IFT80: variants seen among roughly 807,000 people sequenced by gnomAD.
IFT80 encodes the protein intraflagellar transport protein 80 homolog.
IFT80 carries 79 observed loss-of-function variants against 107.9 expected under a neutral mutation model. The observed-to-expected ratio is 0.73, with a 90% CI of 0.61 to 0.88. The LOEUF (loss-of-function observed/expected upper bound fraction) is 0.88, where lower values mean the gene tolerates loss of function less well. Ranked by LOEUF, IFT80 falls within the 40% of genes least tolerant of loss-of-function variation. IFT80 has a pLI of 0.00. For missense variants in IFT80, 797 were observed against 914.2 expected, an observed-to-expected ratio of 0.87 and a Z score of 1.65; for synonymous variants, 299 against 300.9, an observed-to-expected ratio of 0.99 and a Z score of 0.07.
At chr3:160,397,324 T>G (rs1415789838) in intron 1 of IFT80, among the ~76,000 whole-genome samples, 2 of 152,202 alleles carry the variant, frequency 1.3e-5, no homozygotes, top group East Asian at 3.8e-4. Context: ...ATTTACCAAG[T>G]CATTCCTTGG....
intron 7 of IFT80, among the ~76,000 whole-genome samples, chr3:160,356,576 A>T (rs144273700): frequency 6.6e-6 from 1 of 152,334 alleles, no homozygotes; most frequent in Non-Finnish European, 1.5e-5. Context: ...GCTGGAGTAC[A>T]GTAGCATGAT....
chr3:160,360,958 G>T (rs972734864), intron 6 of IFT80, among the ~76,000 whole-genome samples: 3 of 151,650 alleles, frequency 2.0e-5, no homozygotes, highest in Admixed American at 1.3e-4. Context: ...CAACTAATGG[G>T]CAAAATAACC....
intron 19 of IFT80, among the ~76,000 whole-genome samples, chr3:160,260,081 C>A (rs368452495): frequency 2.0e-5 from 3 of 152,070 alleles, no homozygotes; most frequent in African/African-American, 7.2e-5. Flanking sequence ...TTTTTTAATT[C>A]CAATATCCCA....
At chr3:160,351,656 T>C (rs1354549917) in intron 8 of IFT80, among the ~76,000 whole-genome samples, 1 of 146,210 alleles carries the variant, frequency 6.8e-6, no homozygotes, top group Non-Finnish European at 1.5e-5. Context: ...TACATACATA[T>C]GCATACATAC....
At chr3:160,365,883 T>C (rs1389712388) in intron 6 of IFT80, among the ~76,000 whole-genome samples, 160 bp downstream of exon 6, 1 of 152,028 alleles carries the variant, frequency 6.6e-6, no homozygotes, top group Non-Finnish European at 1.5e-5. Flanking sequence ...GTTGGAAATA[T>C]AAAGATATTC....
intron 5 of IFT80, among the ~76,000 whole-genome samples, chr3:160,367,759 G>A (rs563532353): frequency 3.3e-5 from 5 of 152,086 alleles, no homozygotes; most frequent in African/African-American, 1.2e-4. Context: ...TTACATTTAA[G>A]TATAGTATTT....
chr3:160,273,319 A>T (rs926779337), intron 18 of IFT80, among the ~76,000 whole-genome samples: 1 of 152,206 alleles, frequency 6.6e-6, no homozygotes, highest in Non-Finnish European at 1.5e-5. Flanking sequence ...AGAGGTCAAG[A>T]GTGATACGAC....
intron 9 of IFT80, among the ~76,000 whole-genome samples, chr3:160,315,463 G>A (rs1200458517): frequency 6.6e-6 from 1 of 152,142 alleles, no homozygotes; most frequent in Non-Finnish European, 1.5e-5. Context: ...CCTCTGGGGA[G>A]GTATGTGTTC....
intron 8 of IFT80, among the ~76,000 whole-genome samples, chr3:160,331,171 TAAG>T (rs1719062573): frequency 6.6e-6 from 1 of 152,114 alleles, no homozygotes; most frequent in African/African-American, 2.4e-5. Flanking sequence ...GGGCCATTAT[TAAG>T]AAAAAGGGTT....
Position 160,280,716 on chromosome 3 carries a change from A to C in IFT80, c.1615T>G (p.Tyr539Asp), listed in dbSNP as rs1714623468. 1.2e-6 allele frequency: 2 copies of C among 1,612,994 alleles called. No individual in the cohort carries two copies. The highest frequency in any genetic ancestry group is 1.7e-6 in the Non-Finnish European group (2 of 1,179,162). The stretch of plus-strand genomic sequence containing the variant: ...TTAGGCAAAATGTCTCTGTCCACAT[A>C]AACTGTATTGGGGTAATACCACACT... Reference protein sequence around the residue: ...FIVWYYPNTVYVDRDILPKTL... With the variant: ...FIVWYYPNTVDVDRDILPKTL... Residue 539 changes from tyrosine (Y) to aspartate (D), a missense_variant, in exon 15 of 20, where the codon TAT becomes GAT. Physicochemically the swap from Tyr to Asp is radical, Grantham distance 160. Coordinates refer to ENST00000326448, the MANE Select transcript of IFT80 (RefSeq NM_020800.3).
At chr3:160,293,360 G>A (rs540098637) in intron 12 of IFT80, among the ~76,000 whole-genome samples, 25 of 152,264 alleles carry the variant, frequency 1.6e-4, no homozygotes, top group African/African-American at 3.1e-4. Flanking sequence ...CTAGTAATGC[G>A]CTAGTGTCTT....
chr3:160,345,445 G>C (rs1474268597), intron 8 of IFT80, among the ~76,000 whole-genome samples: 3 of 152,094 alleles, frequency 2.0e-5, no homozygotes, highest in Non-Finnish European at 2.9e-5. Flanking sequence ...CCAGCACTTT[G>C]GGAGGCCAAG....
chr3:160,285,667 T>C (rs542589819), intron 13 of IFT80, 137 bp downstream of exon 13: 4 of 646,112 alleles, frequency 6.2e-6, no homozygotes, highest in Non-Finnish European at 1.1e-5. Flanking sequence ...TTAGGCAAAA[T>C]AGTCAATGGA....
chr3:160,293,787 G>A (rs947647284), intron 12 of IFT80, among the ~76,000 whole-genome samples: 1 of 152,128 alleles, frequency 6.6e-6, no homozygotes, highest in Non-Finnish European at 1.5e-5. Flanking sequence ...CACCCCATTA[G>A]CAACCTCTTG....
intron 12 of IFT80, among the ~76,000 whole-genome samples, chr3:160,290,482 T>C (rs1161957602): frequency 6.6e-6 from 1 of 150,416 alleles, no homozygotes; most frequent in Non-Finnish European, 1.5e-5. Context: ...ATTGAGAAGA[T>C]ATAGAAATGC....
At chr3:160,312,721 A>G in intron 9 of IFT80, among the ~76,000 whole-genome samples, 1 of 41,218 alleles carries the variant, frequency 2.4e-5, no homozygotes, top group Admixed American at 4.4e-4. Flanking sequence ...TAATATATAT[A>G]ATAAATATAT....
chr3:160,340,241 G>A (rs1188848151), intron 8 of IFT80, among the ~76,000 whole-genome samples: 1 of 152,116 alleles, frequency 6.6e-6, no homozygotes, highest in East Asian at 1.9e-4. Context: ...TCCTCCCCAA[G>A]TTATCTACCT....
At chr3:160,374,780 A>C (rs890590565) in intron 5 of IFT80, among the ~76,000 whole-genome samples, 3 of 152,264 alleles carry the variant, frequency 2.0e-5, no homozygotes, top group African/African-American at 7.2e-5. Flanking sequence ...TTCTAAAGGT[A>C]CATTTATTAC....
intron 9 of IFT80, among the ~76,000 whole-genome samples, chr3:160,313,309 T>C (rs1717554571): frequency 6.6e-6 from 1 of 150,932 alleles, no homozygotes; most frequent in South Asian, 2.1e-4. Flanking sequence ...AGCAACATGC[T>C]ATCTATTCAA....
Sources: allele counts gnomAD v4.1 joint callset (sites outside exome capture counted in the v4.1 genomes callset), GRCh38; gene constraint gnomAD v4.1.1; transcripts MANE v1.5; gene names NCBI Gene and HGNC (gene_info 2026-07-23, HGNC 2026-07-21).